Variants in CBLN2 observed in about 807,000 individuals in gnomAD.
CBLN2 encodes cerebellin 2 precursor.
A neutral mutation model predicts 15.0 loss-of-function variants in CBLN2; 7 were observed. That is an observed-to-expected ratio of 0.47 (90% CI 0.27 to 0.88). The LOEUF (loss-of-function observed/expected upper bound fraction) is 0.88, where lower values mean the gene tolerates loss of function less well. Among genes scored for constraint, CBLN2 ranks in the 40% least tolerant of loss-of-function variants. The pLI, the probability that CBLN2 is intolerant of heterozygous loss-of-function variation, is 0.14. For missense variants in CBLN2, 242 were observed against 304.5 expected (o/e 0.79, Z 1.53); for synonymous variants, 149 against 135.2 (o/e 1.10, Z -0.71).
At chr18:72,539,766 A>G (rs1191635731) in intron 3 of CBLN2, 1 of 152,032 alleles carries the variant, frequency 6.6e-6, no homozygotes, top group African/African-American at 2.4e-5. Flanking sequence ...TGCTGTCTCC[A>G]TCCTCCTCAT....
intron 3 of CBLN2, 64 bp downstream of exon 3, chr18:72,541,740 C>A (rs558181496): frequency 3.0e-5 from 41 of 1,368,408 alleles, no homozygotes; most frequent in East Asian, 5.1e-5. Context: ...AACCCCAGCC[C>A]GCGCGCGCAG....
In CBLN2 at chr18:72,538,242, C is replaced by T. The variant is rs1343851330; in HGVS notation, c.609G>A (p.Glu203=). ...TCCAGCCCCCCATGAGGTTGCCTCT[C>T]TCAAGTTTGAGATGCACTTTGTCTT... The part of the protein sequence containing the change: ...EREDKVHLKL[E]RGNLMGGWKY... The change falls in exon 5 of 5, where the codon GAG becomes GAA. Residue 203 remains glutamate, a synonymous_variant. Coordinates refer to ENST00000269503, the MANE Select transcript of CBLN2 (RefSeq NM_182511.4). 4 of 1,614,056 alleles carry T rather than the reference C, an allele frequency of 2.5e-6. No homozygotes were observed. Among genetic ancestry groups the T allele is most frequent in the Non-Finnish European group, 3.4e-6 (4 of 1,180,046 alleles).
intron 1 of CBLN2, among the ~76,000 whole-genome samples, chr18:72,629,110 G>A (rs1480128665): frequency 4.6e-5 from 7 of 152,042 alleles, no homozygotes; most frequent in Non-Finnish European, 1.0e-4. Flanking sequence ...AAAGAAGCGA[G>A]GACTTCCCAA....
At chr18:72,550,112 C>T (rs1191884281) in intron 1 of CBLN2, among the ~76,000 whole-genome samples, 2 of 152,202 alleles carry the variant, frequency 1.3e-5, no homozygotes, top group Non-Finnish European at 2.9e-5. Flanking sequence ...TTCTTACTCA[C>T]TGCCAGAAAT....
chr18:72,539,215 C>T (rs1046285065), intron 3 of CBLN2: 6 of 165,716 alleles, frequency 3.6e-5, no homozygotes, highest in African/African-American at 1.4e-4. Context: ...AAAAAAGTTC[C>T]ATTCTGAATG....
chr18:72,611,335 T>C (rs2069620996), intron 1 of CBLN2, among the ~76,000 whole-genome samples: 1 of 152,194 alleles, frequency 6.6e-6, no homozygotes, highest in African/African-American at 2.4e-5. Flanking sequence ...TTCAACGTGG[T>C]CTGAACCAAT....
chr18:72,603,077 T>C (rs1229618185), intron 1 of CBLN2, among the ~76,000 whole-genome samples: 1 of 152,254 alleles, frequency 6.6e-6, no homozygotes, highest in African/African-American at 2.4e-5. Flanking sequence ...GAGGATTAAA[T>C]GGTATGTTAC....
At chr18:72,615,832 C>T (rs915050762) in intron 1 of CBLN2, among the ~76,000 whole-genome samples, 2 of 152,168 alleles carry the variant, frequency 1.3e-5, no homozygotes, top group Admixed American at 6.6e-5. Flanking sequence ...ATTTGGCTCA[C>T]TTTCAGGGAC....
chr18:72,602,992 C>T lies in CBLN2; in HGVS notation c.15+35333G>A, dbSNP rs148772627. ...AGGCAAATAGAACACCATTTACTAG[C>T]GGGACAGGTTGCCTAAGCGATTCCA... On this transcript the variant is annotated intron_variant, in intron 1 of 2. Coordinates refer to the CBLN2 transcript ENST00000581073. 2.7e-3 allele frequency among the ~76,000 whole-genome samples: 405 copies of T among 152,300 alleles called. 1 individual carries two copies. The highest frequency in any genetic ancestry group is 6.1e-3 in the Admixed American group (94 of 15,300).
chr18:72,558,179 G>A (rs1409890696), intron 1 of CBLN2, among the ~76,000 whole-genome samples: 3 of 152,182 alleles, frequency 2.0e-5, no homozygotes, highest in African/African-American at 7.2e-5. Flanking sequence ...CTTGGGCCGT[G>A]TGGCATCAGC....
At chr18:72,637,945 C>T (rs566109797) in intron 1 of CBLN2, among the ~76,000 whole-genome samples, 6 of 152,254 alleles carry the variant, frequency 3.9e-5, no homozygotes, top group Admixed American at 2.0e-4. Flanking sequence ...GCCGCTGAGA[C>T]GAGACTTGAA....
chr18:72,568,068 A>G (rs578147717), intron 1 of CBLN2, among the ~76,000 whole-genome samples: 1 of 151,928 alleles, frequency 6.6e-6, no homozygotes, highest in South Asian at 2.1e-4. Flanking sequence ...GTCACTTTTT[A>G]TTTCGTTTCA....
intron 1 of CBLN2, among the ~76,000 whole-genome samples, chr18:72,564,891 C>G (rs2144898253): frequency 6.6e-6 from 1 of 152,216 alleles, no homozygotes; most frequent in African/African-American, 2.4e-5. Context: ...AGAGAGAACT[C>G]TAAAAGCAGC....
intron 1 of CBLN2, among the ~76,000 whole-genome samples, chr18:72,615,278 A>AT (rs1295562467): frequency 9.7e-3 from 150 of 15,474 alleles, no homozygotes; most frequent in Middle Eastern, 0.031. Flanking sequence ...TTATATATAT[A>AT]TATATTTTTT....
chr18:72,618,579 A>C, intron 1 of CBLN2: 2 of 860,976 alleles, frequency 2.3e-6, no homozygotes, highest in South Asian at 2.6e-5. Context: ...TAACTGTGAA[A>C]AGTATACGTG....
chr18:72,572,783 T>C (rs1443904980), intron 1 of CBLN2, among the ~76,000 whole-genome samples: 1 of 152,096 alleles, frequency 6.6e-6, no homozygotes, highest in African/African-American at 2.4e-5. Context: ...TAGAATATTA[T>C]CATAGTTTTT....
In CBLN2 at chr18:72,537,938, T is replaced by A. The variant is rs1432638977; in HGVS notation, c.*238A>T. 3.6e-6 allele frequency: 2 copies of A among 561,224 alleles called. No homozygotes were observed. The highest frequency in any genetic ancestry group is 3.1e-5 in the Admixed American group (1 of 31,946). The allele number at this position is 561,224 out of a possible 1,614,324, so 34.8% of individuals were successfully genotyped here. On this transcript the variant is annotated 3_prime_UTR_variant, in exon 5 of 5. Transcript: ENST00000269503. ...CAAATTGCTCAAATCGATAATTTCA[T>A]TTCTCCTTAAGACCTTGTCATCTAA... is the stretch of plus-strand genomic sequence containing the variant.
intron 3 of CBLN2, chr18:72,539,924 A>C (rs1366406134): frequency 6.6e-6 from 1 of 152,132 alleles, no homozygotes; most frequent in East Asian, 1.9e-4. Context: ...TTTCTTACAC[A>C]CTCATTATAG....
At chr18:72,550,383 G>A (rs2144880784) in intron 1 of CBLN2, among the ~76,000 whole-genome samples, 1 of 152,302 alleles carries the variant, frequency 6.6e-6, no homozygotes, top group Non-Finnish European at 1.5e-5. Context: ...AGGGAGGTAA[G>A]GAAAAACCTC....
Sources: gnomAD v4.1 joint callset for allele counts (sites outside exome capture counted in the v4.1 genomes callset) on GRCh38, gnomAD v4.1.1 for gene constraint, MANE v1.5 for transcripts, NCBI Gene and HGNC (gene_info 2026-07-23, HGNC 2026-07-21) for gene names.